The following FGF14 variants were observed in gnomAD, a reference collection of about 807,000 sequenced individuals.
FGF14 encodes the protein fibroblast growth factor homologous factor 4.
In FGF14, 5 loss-of-function variants were observed where a neutral mutation model predicts 25.5. The observed-to-expected ratio is 0.20, with a 90% CI of 0.10 to 0.41. The LOEUF (loss-of-function observed/expected upper bound fraction) is 0.41, where lower values mean the gene tolerates loss of function less well. Among genes scored for constraint, FGF14 ranks in the 10% least tolerant of loss-of-function variants. The pLI, the probability that FGF14 is intolerant of heterozygous loss-of-function variation, is 1.00. For missense variants in FGF14, 222 were observed against 320.1 expected (o/e 0.69, Z 2.34); for synonymous variants, 138 against 118.3 (o/e 1.17, Z -1.08).
At chr13:101,929,106 C>A (rs1046500702) in intron 1 of FGF14, among the ~76,000 whole-genome samples, 2 of 152,146 alleles carry the variant, frequency 1.3e-5, no homozygotes, top group Admixed American at 6.5e-5. Context: ...GTACTTGACC[C>A]GGCATTCAGG....
rs868606836 is a variant in FGF14, at chr13:102,065,213, G to T, written c.209-189917C>A. 2.0e-5 allele frequency among the ~76,000 whole-genome samples: 3 copies of T among 152,040 alleles called. No individual in the cohort carries two copies. In the South Asian group the frequency reaches 6.2e-4, roughly 32 times the overall value. On this transcript the variant is annotated intron_variant, in intron 1 of 4. Coordinates refer to the FGF14 transcript ENST00000376131. ...CTGTACTTCTAGAAGTAACCATAAT[G>T]GATATAGTGCTTTCTTCCAGGATTA... is the stretch of plus-strand genomic sequence containing the variant.
In FGF14 at chr13:102,039,593, T is replaced by C. The variant is rs930481015; in HGVS notation, c.209-164297A>G. On this transcript the variant is annotated intron_variant, in intron 1 of 4. Coordinates refer to the FGF14 transcript ENST00000376131. ...CTGCCTCTGTCATCGCGTGCTATTCTAGATGTGCCTGTGTCCAAATGTTCT... is the reference window on the plus strand; with the variant it reads ...CTGCCTCTGTCATCGCGTGCTATTCCAGATGTGCCTGTGTCCAAATGTTCT... Among the ~76,000 whole-genome samples the C allele has an allele frequency of 2.0e-5, 3 of 152,294 alleles. No homozygotes were observed. The South Asian group carries it at 6.2e-4, about 32-fold the overall frequency.
intron 3 of FGF14, among the ~76,000 whole-genome samples, chr13:101,748,763 A>G (rs1010722326): frequency 6.0e-5 from 9 of 150,456 alleles, no homozygotes; most frequent in African/African-American, 2.2e-4. Context: ...AAAAAAAAAA[A>G]AAAAAAAAAA....
intron 1 of FGF14, among the ~76,000 whole-genome samples, chr13:102,211,881 C>T (rs187333035): frequency 1.4e-3 from 213 of 152,326 alleles, no homozygotes; most frequent in African/African-American, 4.8e-3. Context: ...CCTTTTGTTA[C>T]TAAAGCTTCT....
intron 3 of FGF14, among the ~76,000 whole-genome samples, chr13:101,783,414 G>C (rs888599656): frequency 5.5e-4 from 83 of 151,012 alleles, no homozygotes; most frequent in African/African-American, 1.9e-3. Flanking sequence ...AGATTGCAGT[G>C]AGCTGAGATT....
At chr13:102,178,731 TG>T (rs1244419305) in intron 1 of FGF14, among the ~76,000 whole-genome samples, 4 of 152,160 alleles carry the variant, frequency 2.6e-5, no homozygotes, top group Non-Finnish European at 5.9e-5. Context: ...CATTCTTTTT[TG>T]TGGCTGAGTA....
At position 101,884,477 on chromosome 13, in the gene FGF14, A is replaced by G. The variant is rs118041294; in HGVS notation, c.194-9181T>C. Reference sequence around the variant, plus strand: ...AGAGTGACACCAAGATGGAACATAAATAAGGGCAGTGGTTGCTGTCCCTTT... The same window carrying G: ...AGAGTGACACCAAGATGGAACATAAGTAAGGGCAGTGGTTGCTGTCCCTTT... On this transcript the variant is annotated intron_variant, in intron 1 of 4. Transcript: ENST00000376143. 4.8e-3 allele frequency among the ~76,000 whole-genome samples: 730 copies of G among 152,288 alleles called. 5 individuals carry two copies. The highest frequency in any genetic ancestry group is 7.5e-3 in the Non-Finnish European group (512 of 68,010).
chr13:102,388,538 C>G (rs1347283784), intron 1 of FGF14, among the ~76,000 whole-genome samples: 1 of 152,192 alleles, frequency 6.6e-6, no homozygotes, highest in East Asian at 1.9e-4. Flanking sequence ...TTCACGCATC[C>G]TTCCAGGTTC....
chr13:102,114,909 T>C (rs916377404), intron 1 of FGF14, among the ~76,000 whole-genome samples: 1 of 152,188 alleles, frequency 6.6e-6, no homozygotes, highest in Non-Finnish European at 1.5e-5. Flanking sequence ...GGGTACAACA[T>C]TGTACCTATA....
At chr13:102,179,464 G>C (rs1305013384) in intron 1 of FGF14, among the ~76,000 whole-genome samples, 3 of 152,050 alleles carry the variant, frequency 2.0e-5, no homozygotes, top group Non-Finnish European at 4.4e-5. Context: ...TTCCTTAACA[G>C]ATACGTGCAG....
At chr13:101,785,607 C>T (rs538831903) in intron 3 of FGF14, among the ~76,000 whole-genome samples, 1 of 152,022 alleles carries the variant, frequency 6.6e-6, no homozygotes, top group Non-Finnish European at 1.5e-5. Context: ...TATCACCTAT[C>T]TATCTATTTA....
upstream of FGF14, among the ~76,000 whole-genome samples, chr13:101,920,660 CTATG>C (rs1302734978): frequency 6.6e-6 from 1 of 151,990 alleles, no homozygotes; most frequent in Non-Finnish European, 1.5e-5. Flanking sequence ...TATGTATTCC[CTATG>C]TATATTTCCT....
At chr13:102,287,083 G>A (rs770082973) in intron 1 of FGF14, among the ~76,000 whole-genome samples, 34 of 151,892 alleles carry the variant, frequency 2.2e-4, no homozygotes, top group South Asian at 2.1e-4. Context: ...CATATGTAAC[G>A]AACCTGCACG....
intron 1 of FGF14, among the ~76,000 whole-genome samples, chr13:102,378,813 C>T (rs971934555): frequency 2.0e-5 from 3 of 151,852 alleles, no homozygotes; most frequent in Admixed American, 2.0e-4. Flanking sequence ...AAAAAAGCAA[C>T]AAAAATGATT....
chr13:101,909,179 G>A (rs2032611208), intron 1 of FGF14, among the ~76,000 whole-genome samples: 1 of 152,190 alleles, frequency 6.6e-6, no homozygotes. Flanking sequence ...ACATAGGCAT[G>A]TGCGAGGACT....
intron 1 of FGF14, among the ~76,000 whole-genome samples, chr13:102,136,040 T>C (rs945357857): frequency 6.6e-6 from 1 of 152,142 alleles, no homozygotes; most frequent in Non-Finnish European, 1.5e-5. Context: ...AGAGCTATAT[T>C]CCCTAAAAGA....
At chr13:102,116,762 T>C (rs1446388613) in intron 1 of FGF14, among the ~76,000 whole-genome samples, 1 of 152,224 alleles carries the variant, frequency 6.6e-6, no homozygotes, top group African/African-American at 2.4e-5. Context: ...TGCCAAATAT[T>C]CCAAATGTAA....
At chr13:102,245,099 T>A (rs1235361633) in intron 1 of FGF14, among the ~76,000 whole-genome samples, 2 of 152,048 alleles carry the variant, frequency 1.3e-5, no homozygotes, top group African/African-American at 4.8e-5. Context: ...AGTGGACAAA[T>A]CAGCTCCGTA....
intron 1 of FGF14, among the ~76,000 whole-genome samples, chr13:102,249,367 ACAAAC>A (rs941078418): frequency 2.0e-5 from 3 of 152,206 alleles, no homozygotes; most frequent in Non-Finnish European, 1.5e-5. Context: ...TGCTAAAAAA[ACAAAC>A]AAACAAAAAA....
Sources: gnomAD v4.1 joint callset for allele counts (sites outside exome capture counted in the v4.1 genomes callset) on GRCh38, gnomAD v4.1.1 for gene constraint, MANE v1.5 for transcripts, NCBI Gene and HGNC (gene_info 2026-07-23, HGNC 2026-07-21) for gene names.